GOLM2: variants seen among roughly 807,000 people sequenced by gnomAD.
GOLM2 encodes golgi membrane protein 2.
Under a neutral mutation model 55.9 loss-of-function variants are expected in GOLM2, and 26 were observed. The ratio of observed to expected loss-of-function variants is 0.47; its 90% confidence interval spans 0.34 to 0.65. GOLM2 has a LOEUF of 0.65. Among genes scored for constraint, GOLM2 ranks in the 30% least tolerant of loss-of-function variants. The pLI is 0.01. For missense variants in GOLM2, 486 were observed against 531.8 expected (o/e 0.91, Z 0.85); for synonymous variants, 165 against 194.6 (o/e 0.85, Z 1.27).
In GOLM2 at chr15:44,369,061, GAT is replaced by G. The variant is rs1456035972; in HGVS notation, c.803-10624_803-10623del. On this transcript the variant is annotated intron_variant, in intron 6 of 9. Transcript: ENST00000299957. Reference sequence around the variant, plus strand: ...AATAGGAGATATATACATATAATAGGATATATTATATATATATATATATATAT... The same window carrying G: ...AATAGGAGATATATACATATAATAGGATATTATATATATATATATATATAT... 2.3e-4 allele frequency among the ~76,000 whole-genome samples: 11 copies of G among 47,322 alleles called. No individual in the cohort carries two copies. In the South Asian group the frequency reaches 3.0e-3, roughly 13 times the overall value. The allele number at this position is 47,322 out of a possible 152,430, so 31.0% of individuals were successfully genotyped here.
In GOLM2 at chr15:44,359,220, G is replaced by A. The variant is rs552696286; in HGVS notation, c.803-20470G>A. Among the ~76,000 whole-genome samples, 10 of 152,022 alleles carry A rather than the reference G, an allele frequency of 6.6e-5. No homozygotes were observed. The South Asian group carries it at 2.1e-3, about 32-fold the overall frequency. ...GAGTGAAAATGTCAAGAGAAGACAAGACTGGGAGAAAAATTTTGTAAAAGA... is the reference window on the plus strand; with the variant it reads ...GAGTGAAAATGTCAAGAGAAGACAAAACTGGGAGAAAAATTTTGTAAAAGA... On this transcript the variant is annotated intron_variant, in intron 6 of 9. Coordinates refer to ENST00000299957, the MANE Select transcript of GOLM2 (RefSeq NM_138423.4).
Position 44,402,924 on chromosome 15 carries a change from G to T in GOLM2, c.1110G>T (p.Pro370=). The T allele has an allele frequency of 6.2e-7, 1 of 1,613,924 alleles. No homozygotes were observed. Among genetic ancestry groups the T allele is most frequent in the Admixed American group, 1.7e-5 (1 of 59,974 alleles). Residue 370 remains proline, a synonymous_variant, in exon 9 of 10, where the codon CCG becomes CCT. Coordinates refer to ENST00000299957, the MANE Select transcript of GOLM2 (RefSeq NM_138423.4). ...ATGAAAATGAATCCCCTGTTGATCC[G>T]CAGCATGGCTCTAAACTGGCGGATT... ...FFDENESPVD[P]QHGSKLADYN...
At chr15:44,310,832 C>T (rs1432827853) in intron 1 of GOLM2, among the ~76,000 whole-genome samples, 4 of 152,230 alleles carry the variant, frequency 2.6e-5, no homozygotes, top group Non-Finnish European at 4.4e-5. Context: ...GCCTGACCAA[C>T]GTGGTGAAAC....
intron 5 of GOLM2, 133 bp from the exon 6 acceptor site, chr15:44,338,104 T>C: frequency 1.0e-6 from 1 of 1,001,442 alleles, no homozygotes; most frequent in Non-Finnish European, 1.5e-6. Context: ...TACAGCTATG[T>C]CCAAAGCAAG....
At chr15:44,349,215 C>T (rs556887732) in intron 6 of GOLM2, among the ~76,000 whole-genome samples, 28 of 148,172 alleles carry the variant, frequency 1.9e-4, no homozygotes, top group African/African-American at 3.7e-4. Flanking sequence ...GCTGAGATCG[C>T]GCCATTGCAC....
chr15:44,349,650 T>G (rs1252995710), intron 6 of GOLM2, among the ~76,000 whole-genome samples: 1 of 152,224 alleles, frequency 6.6e-6, no homozygotes, highest in Admixed American at 6.5e-5. Flanking sequence ...ACCTAATAGA[T>G]ATTTACAGAA....
At chr15:44,379,896 T>C (rs1284580570) in intron 7 of GOLM2, 108 bp downstream of exon 7, 1 of 553,048 alleles carries the variant, frequency 1.8e-6, no homozygotes. Flanking sequence ...ATAGCATTTA[T>C]TCTTTGAGGT....
intron 9 of GOLM2, among the ~76,000 whole-genome samples, chr15:44,405,858 G>C (rs1245082750): frequency 1.3e-5 from 2 of 152,066 alleles, no homozygotes; most frequent in African/African-American, 4.8e-5. Flanking sequence ...CTGACCTCAA[G>C]TGATCCACCC....
At chr15:44,381,988 T>C (rs2079406596) in intron 8 of GOLM2, 1 of 152,114 alleles carries the variant, frequency 6.6e-6, no homozygotes, top group Non-Finnish European at 1.5e-5. Context: ...GTAACAGTTA[T>C]TCAAATTTAT....
chr15:44,345,054 G>A (rs528531689), intron 6 of GOLM2, among the ~76,000 whole-genome samples: 8 of 151,076 alleles, frequency 5.3e-5, no homozygotes, highest in African/African-American at 1.7e-4. Context: ...CTCGTGATCC[G>A]CCTGCCTCGG....
At chr15:44,295,365 C>T (rs1165499572) in intron 1 of GOLM2, among the ~76,000 whole-genome samples, 3 of 152,198 alleles carry the variant, frequency 2.0e-5, no homozygotes, top group African/African-American at 7.2e-5. Flanking sequence ...AGGCATGACC[C>T]ACCACATCCG....
intron 2 of GOLM2, 124 bp from the exon 3 acceptor site, chr15:44,328,561 T>G: frequency 1.7e-6 from 1 of 575,552 alleles, no homozygotes; most frequent in South Asian, 2.5e-5. Flanking sequence ...TAATTTAATT[T>G]CCTGGGAGTA....
At chr15:44,338,764 T>C (rs2079073366) in intron 6 of GOLM2, among the ~76,000 whole-genome samples, 2 of 152,202 alleles carry the variant, frequency 1.3e-5, no homozygotes, top group South Asian at 4.1e-4. Flanking sequence ...TTTTAGTGAA[T>C]TACCCCACAC....
chr15:44,366,179 C>T (rs2079283015), intron 6 of GOLM2, among the ~76,000 whole-genome samples: 1 of 151,924 alleles, frequency 6.6e-6, no homozygotes, highest in Non-Finnish European at 1.5e-5. Context: ...CGCCTGTAGT[C>T]CCAGCTACTT....
At chr15:44,389,694 T>G (rs753384282) in intron 8 of GOLM2, among the ~76,000 whole-genome samples, 26 of 152,146 alleles carry the variant, frequency 1.7e-4, no homozygotes, top group Non-Finnish European at 2.6e-4. Flanking sequence ...TTTTGTTTTG[T>G]TTTTTGAGAC....
chr15:44,403,054 G>T lies in GOLM2; in HGVS notation c.1240G>T (p.Asp414Tyr). Reference sequence around the variant, plus strand: ...TGATGGTGGAGAGGAAGACGTCCAAGGTGAGCGTGGGCCTGGCCTCCATGC... The same window carrying T: ...TGATGGTGGAGAGGAAGACGTCCAATGTGAGCGTGGGCCTGGCCTCCATGC... Reference protein sequence around the residue: ...DGDGGEEDVQDDEERELQMDP... With the variant: ...DGDGGEEDVQYDEERELQMDP... Residue 414 changes from aspartate to tyrosine, a missense_variant and splice_region_variant, in exon 9 of 10, where the codon GAT (aspartate) becomes TAT (tyrosine). Transcript: ENST00000299957. 6.2e-7 allele frequency: 1 copy of T among 1,614,084 alleles called. No homozygotes were observed. Among genetic ancestry groups the T allele is most frequent in the Non-Finnish European group, 8.5e-7 (1 of 1,180,018 alleles).
chr15:44,372,423 A>G (rs1350928796), intron 6 of GOLM2, among the ~76,000 whole-genome samples: 3 of 152,202 alleles, frequency 2.0e-5, no homozygotes, highest in African/African-American at 7.2e-5. Context: ...AGGAAAAGGC[A>G]GGATCAGTTC....
intron 8 of GOLM2, among the ~76,000 whole-genome samples, chr15:44,400,792 G>C (rs1195607170): frequency 2.0e-5 from 3 of 151,944 alleles, no homozygotes; most frequent in African/African-American, 7.2e-5. Context: ...TAGCCAGGAT[G>C]GTCTTGATCT....
chr15:44,396,920 T>C (rs2079530377), intron 8 of GOLM2, among the ~76,000 whole-genome samples: 1 of 152,226 alleles, frequency 6.6e-6, no homozygotes, highest in Admixed American at 6.5e-5. Flanking sequence ...TGTGTTCTCA[T>C]GTTTAAACTA....
Sources: allele counts gnomAD v4.1 joint callset (sites outside exome capture counted in the v4.1 genomes callset), GRCh38; gene constraint gnomAD v4.1.1; transcripts MANE v1.5; gene names NCBI Gene and HGNC (gene_info 2026-07-23, HGNC 2026-07-21).